The following HOMER3 variants were observed in gnomAD, a reference collection of about 807,000 sequenced individuals.
HOMER3 encodes homer scaffold protein 3, also known as homer protein homolog 3.
A neutral mutation model predicts 45.5 loss-of-function variants in HOMER3; 34 were observed. The observed-to-expected ratio is 0.75, with a 90% CI of 0.57 to 1.00. The LOEUF (loss-of-function observed/expected upper bound fraction) is 1.00, where lower values mean the gene tolerates loss of function less well. HOMER3 is among the 50% of genes least tolerant of loss of function. The pLI, the probability that HOMER3 is intolerant of heterozygous loss-of-function variation, is 0.00. For synonymous variants in HOMER3, 223 were observed against 208.8 expected (o/e 1.07, Z -0.58); for missense variants, 480 against 497.5 (o/e 0.96, Z 0.33).
chr19:18,932,992 G>T lies in HOMER3; in HGVS notation c.465C>A (p.Phe155Leu). 6.8e-7 allele frequency: 1 copy of T among 1,473,146 alleles called. No individual in the cohort carries two copies. Among genetic ancestry groups the T allele is most frequent in the Non-Finnish European group, 9.0e-7 (1 of 1,115,314 alleles). 91.3% of individuals were successfully genotyped at this position (1,473,146 alleles called of 1,614,324 possible). ...SANGPGEEKL[F>L]RSQSADAPGP... ...CGGGGGCATCAGCGCTCTGGCTGCG[G>T]AACAGTTTTTCCTCGCCGGGGCCGT... Residue 155 changes from phenylalanine (F) to leucine (L), a missense_variant, in exon 6 of 10, where the codon TTC becomes TTA. Physicochemically the swap from Phe to Leu is conservative, Grantham distance 22 (BLOSUM62 0). Coordinates refer to ENST00000392351, the MANE Select transcript of HOMER3 (RefSeq NM_004838.4).
rs752033379 is a variant in HOMER3, at chr19:18,931,487, AG to A, written c.807+21del. On this transcript the variant is annotated intron_variant, in intron 8 of 9. Transcript: ENST00000392351. Reference sequence around the variant, plus strand: ...CAGGAGGTGAGGGAAGGCGAGGCCCAGGAACCACACTTGGCACTCACCTGGT... The same window carrying A: ...CAGGAGGTGAGGGAAGGCGAGGCCCAGAACCACACTTGGCACTCACCTGGT... The A allele has an allele frequency of 3.7e-6, 6 of 1,612,404 alleles. No individual in the cohort carries two copies. In the East Asian group the frequency reaches 1.3e-4, roughly 36 times the overall value.
At chr19:18,936,940 G>A (rs975737101) in intron 4 of HOMER3, among the ~76,000 whole-genome samples, 4 of 151,532 alleles carry the variant, frequency 2.6e-5, no homozygotes, top group African/African-American at 9.7e-5. Flanking sequence ...GGCAGAGCTT[G>A]CAGTGAGCCA....
intron 5 of HOMER3, among the ~76,000 whole-genome samples, chr19:18,933,879 A>AT (rs962536383): frequency 8.6e-5 from 13 of 151,758 alleles, no homozygotes; most frequent in African/African-American, 2.7e-4. Context: ...TAATTTTTGT[A>AT]TTTTTTAGCA....
chr19:18,932,883 C>CAA, intron 6 of HOMER3, 41 bp downstream of exon 6: 5 of 827,112 alleles, frequency 6.0e-6, no homozygotes, highest in Non-Finnish European at 8.7e-6. Flanking sequence ...TCCCCCACCC[C>CAA]TACCCCCGCC....
At chr19:18,938,705 C>CCCCACCCCAAA in intron 3 of HOMER3, 23 bp downstream of exon 3, 1 of 1,532,704 alleles carries the variant, frequency 6.5e-7, no homozygotes, top group Non-Finnish European at 8.9e-7. Flanking sequence ...GGTGCCTCTG[C>CCCCACCCCAAA]CCCACCCAGA....
chr19:18,929,326 ACCCAGGGCTAAGTTGGGACCC>A lies in HOMER3; in HGVS notation c.*96_*116del, dbSNP rs773051364. 1 of 1,154,190 alleles carries A rather than the reference ACCCAGGGCTAAGTTGGGACCC, an allele frequency of 8.7e-7. No homozygotes were observed. Among genetic ancestry groups the A allele is most frequent in the South Asian group, 1.2e-5 (1 of 81,646 alleles). The allele number at this position is 1,154,190 out of a possible 1,614,324, so 71.5% of individuals were successfully genotyped here. A position where few individuals can be genotyped will look rare whatever the true frequency, so the allele number is the denominator to read the frequency against. On this transcript the variant is annotated 3_prime_UTR_variant, in exon 10 of 10. Transcript: ENST00000392351. ...ACCCCAGCCCAGCCCGGCCCGGCCC[ACCCAGGGCTAAGTTGGGACCC>A]CCCAGTCCCTTTCCAGGACGAATGG...
Position 18,932,090 on chromosome 19 carries a change from C to T in HOMER3, c.576G>A (p.Leu192=). 1.3e-6 allele frequency: 2 copies of T among 1,571,010 alleles called. No individual in the cohort carries two copies. Among genetic ancestry groups the T allele is most frequent in the South Asian group, 1.2e-5 (1 of 85,626 alleles). ...EVQWEAEFFA[L]QDSNNKLAGA... ...CTGCCAGCTTGTTGTTGCTGTCCTG[C>T]AGTGCGAAAAACTCGGCCTCCCACT... Residue 192 remains leucine, a synonymous_variant, in exon 7 of 10, where the codon CTG becomes CTA. Transcript: ENST00000392351.
Position 18,933,023 on chromosome 19 carries a change from C to T in HOMER3, c.434G>A (p.Ser145Asn). ...TTTTTCCTCGCCGGGGCCGTTGGCACTGACGAGAGGGCTCGGGGGCACCTA... is the reference window on the plus strand; with the variant it reads ...TTTTTCCTCGCCGGGGCCGTTGGCATTGACGAGAGGGCTCGGGGGCACCTA... ...SHQVPPSPLV[S>N]ANGPGEEKLF... The change falls in exon 6 of 10, where the codon AGT becomes AAT. Residue 145 changes from serine to asparagine, a missense_variant. By Grantham distance (46) the Ser-to-Asn change is conservative (BLOSUM62 1). Coordinates refer to ENST00000392351, the MANE Select transcript of HOMER3 (RefSeq NM_004838.4). The T allele has an allele frequency of 6.7e-7, 1 of 1,490,522 alleles. No individual in the cohort carries two copies. The highest frequency in any genetic ancestry group is 2.7e-5 in the East Asian group (1 of 36,840). 92.3% of individuals were successfully genotyped at this position (1,490,522 alleles called of 1,614,324 possible). A position where few individuals can be genotyped will look rare whatever the true frequency, so the allele number is the denominator to read the frequency against.
intron 6 of HOMER3, 52 bp downstream of exon 6, chr19:18,932,872 G>T: frequency 8.7e-7 from 1 of 1,146,562 alleles, no homozygotes. Flanking sequence ...CCGCCTCCTC[G>T]TCCCCCACCC....
intron 6 of HOMER3, 39 bp downstream of exon 6, chr19:18,932,885 A>AACCCCCCC: frequency 1.6e-5 from 11 of 687,536 alleles, no homozygotes; most frequent in Non-Finnish European, 2.3e-5. Flanking sequence ...CCCCACCCCT[A>AACCCCCCC]CCCCCGCCCC....
Position 18,931,632 on chromosome 19 carries a change from G to A in HOMER3, c.691-7C>T, listed in dbSNP as rs1568336215. On this transcript the variant is annotated splice_polypyrimidine_tract_variant and splice_region_variant and intron_variant, in intron 7 of 9. Transcript: ENST00000392351. ...GAGCCTCCAGCTCAGCCACCTGTAGGGCAGGAATAGCAGCCCCTGACGCCC... is the reference window on the plus strand; with the variant it reads ...GAGCCTCCAGCTCAGCCACCTGTAGAGCAGGAATAGCAGCCCCTGACGCCC... The A allele has an allele frequency of 3.1e-6, 5 of 1,594,764 alleles. No individual in the cohort carries two copies. The Middle Eastern group carries it at 7.3e-4, about 232-fold the overall frequency.
intron 4 of HOMER3, among the ~76,000 whole-genome samples, chr19:18,935,598 G>C (rs2057082943): frequency 6.6e-6 from 1 of 152,036 alleles, no homozygotes; most frequent in African/African-American, 2.4e-5. Flanking sequence ...TCTTGTTTTT[G>C]TTGTATTAAA....
At chr19:18,936,411 C>T (rs1234063493) in intron 4 of HOMER3, among the ~76,000 whole-genome samples, 3 of 150,100 alleles carry the variant, frequency 2.0e-5, no homozygotes, top group East Asian at 3.9e-4. Flanking sequence ...CTGAGGCAGG[C>T]GGATTACCTG....
chr19:18,932,125 C>T lies in HOMER3; in HGVS notation c.541G>A (p.Gly181Ser), dbSNP rs1299700710. 6.4e-7 allele frequency: 1 copy of T among 1,560,780 alleles called. No individual in the cohort carries two copies. The highest frequency in any genetic ancestry group is 1.2e-5 in the South Asian group (1 of 84,634). Residue 181 changes from glycine to serine, a missense_variant, in exon 7 of 10, where the codon GGC becomes AGC. By Grantham distance (56) the Gly-to-Ser change is moderately conservative. Coordinates refer to ENST00000392351, the MANE Select transcript of HOMER3 (RefSeq NM_004838.4). ...LKKMLSEGSV[G>S]EVQWEAEFFA... is the part of the protein sequence containing the mutation. ...AACTCGGCCTCCCACTGTACCTCGC[C>T]CACGGAGCTGCAGAGACACGAGGGT...
chr19:18,933,076 C>T (rs752264584), intron 5 of HOMER3, 31 bp from the exon 6 acceptor site: 2 of 1,465,770 alleles, frequency 1.4e-6, no homozygotes, highest in South Asian at 1.4e-5. Flanking sequence ...AGGTCACGAC[C>T]CCACATCAGC....
rs566544235 is a variant in HOMER3 at position 18,930,781 on chromosome 19, G to A, written c.894+544C>T. ...TCCCAGCACTTTGGGAGGCCGAGGC[G>A]GGCAAATCATGAGATCAGGAGTTGA... On this transcript the variant is annotated intron_variant, in intron 9 of 9. Transcript: ENST00000392351. Among the ~76,000 whole-genome samples, 123 of 152,070 alleles carry A rather than the reference G, an allele frequency of 8.1e-4. 1 individual carries two copies. Among genetic ancestry groups the A allele is most frequent in the African/African-American group, 2.9e-3 (119 of 41,490 alleles).
rs773578948 is a variant in HOMER3 at position 18,938,896 on chromosome 19, G to T, written c.15-12C>A. ...AGATTGGCTGCTCCCTGCGTGGGGA[G>T]AGGGTGTTTGGTGGGGGCCAGGCAC... On this transcript the variant is annotated splice_polypyrimidine_tract_variant and intron_variant, in intron 2 of 9. Coordinates refer to ENST00000392351, the MANE Select transcript of HOMER3 (RefSeq NM_004838.4). 9 of 1,605,400 alleles carry T rather than the reference G, an allele frequency of 5.6e-6. No individual in the cohort carries two copies. The Admixed American group carries it at 1.5e-4, about 27-fold the overall frequency.
chr19:18,932,025 C>T lies in HOMER3; in HGVS notation c.641G>A (p.Arg214Lys), dbSNP rs973750877. The T allele has an allele frequency of 1.9e-6, 3 of 1,549,388 alleles. No individual in the cohort carries two copies. Among genetic ancestry groups the T allele is most frequent in the Non-Finnish European group, 2.6e-6 (3 of 1,147,530 alleles). The change falls in exon 7 of 10, where the codon AGG (arginine) becomes AAG (lysine). Residue 214 changes from arginine to lysine, a missense_variant. Coordinates refer to ENST00000392351, the MANE Select transcript of HOMER3 (RefSeq NM_004838.4). ...REANAAAAQW[R>K]QQLEAQRAEA... Reference sequence around the variant, plus strand: ...TGCACGCTGAGCCTCCAGCTGCTGCCTCCACTGGGCTGCGGCGGCGTTGGC... The same window carrying T: ...TGCACGCTGAGCCTCCAGCTGCTGCTTCCACTGGGCTGCGGCGGCGTTGGC...
Position 18,929,613 on chromosome 19 carries a change from C to G in HOMER3, c.916G>C (p.Glu306Gln), listed in dbSNP as rs1396344806. Reference protein sequence around the residue: ...KVQDLETRNAELEHQLRAMER... With the variant: ...KVQDLETRNAQLEHQLRAMER... ...ATCGCCCGCAGCTGGTGCTCCAACT[C>G]CGCATTGCGGGTCTCCAGGTCCTGC... Residue 306 changes from glutamate (E) to glutamine (Q), a missense_variant, in exon 10 of 10, where the codon GAG becomes CAG. Coordinates refer to ENST00000392351, the MANE Select transcript of HOMER3 (RefSeq NM_004838.4). The G allele has an allele frequency of 2.0e-6, 3 of 1,528,964 alleles. No homozygotes were observed. Among genetic ancestry groups the G allele is most frequent in the Non-Finnish European group, 2.6e-6 (3 of 1,136,052 alleles). 94.7% of individuals were successfully genotyped at this position (1,528,964 alleles called of 1,614,324 possible).
Sources: gnomAD v4.1 joint callset for allele counts (sites outside exome capture counted in the v4.1 genomes callset) on GRCh38, gnomAD v4.1.1 for gene constraint, MANE v1.5 for transcripts, NCBI Gene and HGNC (gene_info 2026-07-23, HGNC 2026-07-21) for gene names.